GRM1: variants seen among roughly 807,000 people sequenced by gnomAD.
GRM1 encodes the protein metabotropic glutamate receptor 1.
In GRM1, 33 loss-of-function variants were observed where a neutral mutation model predicts 90.9. That is an observed-to-expected ratio of 0.36 (90% CI 0.28 to 0.49). The LOEUF (loss-of-function observed/expected upper bound fraction) is 0.49. GRM1 is among the 20% of genes least tolerant of loss of function. GRM1 has a pLI of 0.99. For missense variants in GRM1, 1,190 were observed against 1,534.3 expected (o/e 0.78, Z 3.75); for synonymous variants, 700 against 613.2 (o/e 1.14, Z -2.09).
intron 5 of GRM1, among the ~76,000 whole-genome samples, chr6:146,358,955 G>A (rs550068119): frequency 6.6e-6 from 1 of 152,142 alleles, no homozygotes; most frequent in African/African-American, 2.4e-5. Flanking sequence ...CATCAGCATA[G>A]ACTCCATTCT....
At chr6:146,132,723 T>C (rs1014514974) in intron 1 of GRM1, among the ~76,000 whole-genome samples, 1 of 152,202 alleles carries the variant, frequency 6.6e-6, no homozygotes, top group Non-Finnish European at 1.5e-5. Context: ...TAGTATAGAT[T>C]TTTTTCCCTG....
intron 2 of GRM1, among the ~76,000 whole-genome samples, chr6:146,227,013 C>A (rs1328533108): frequency 6.6e-6 from 1 of 152,022 alleles, no homozygotes; most frequent in Non-Finnish European, 1.5e-5. Flanking sequence ...ATCCTCCAGA[C>A]ATTTTAATAG....
chr6:146,422,498 G>A (rs1778031825), intron 7 of GRM1, among the ~76,000 whole-genome samples: 1 of 152,112 alleles, frequency 6.6e-6, no homozygotes, highest in Non-Finnish European at 1.5e-5. Context: ...TTATGGATTA[G>A]GCTGGAATAG....
intron 2 of GRM1, among the ~76,000 whole-genome samples, chr6:146,167,019 A>G (rs1777932612): frequency 6.6e-6 from 1 of 152,134 alleles, no homozygotes; most frequent in African/African-American, 2.4e-5. Flanking sequence ...CATGATGTAG[A>G]ATGCTTGCAC....
chr6:146,379,462 G>A (rs1047255427), intron 5 of GRM1, among the ~76,000 whole-genome samples: 1 of 150,306 alleles, frequency 6.7e-6, no homozygotes, highest in African/African-American at 2.5e-5. Context: ...TTATCTGATA[G>A]AATTCTGAAT....
chr6:146,214,571 A>G (rs1466072491), intron 2 of GRM1, among the ~76,000 whole-genome samples: 1 of 152,204 alleles, frequency 6.6e-6, no homozygotes, highest in African/African-American at 2.4e-5. Context: ...ATAAGTATCA[A>G]TACAATAGGT....
At chr6:146,200,315 G>A (rs576642935) in intron 2 of GRM1, among the ~76,000 whole-genome samples, 1 of 152,242 alleles carries the variant, frequency 6.6e-6, no homozygotes, top group East Asian at 1.9e-4. Flanking sequence ...TGCTTGTCAT[G>A]GTTTTCAGTT....
chr6:146,281,549 A>C (rs1782568367), intron 2 of GRM1, among the ~76,000 whole-genome samples: 1 of 152,216 alleles, frequency 6.6e-6, no homozygotes, highest in Non-Finnish European at 1.5e-5. Context: ...AATTTGAAAT[A>C]GTTTTAGCAA....
intron 1 of GRM1, among the ~76,000 whole-genome samples, chr6:146,032,745 C>T (rs1349398574): frequency 6.6e-6 from 1 of 152,150 alleles, no homozygotes; most frequent in Non-Finnish European, 1.5e-5. Context: ...TCCAAATCAG[C>T]CATTCCCTAG....
intron 5 of GRM1, among the ~76,000 whole-genome samples, chr6:146,370,179 TG>T (rs1466644023): frequency 6.6e-6 from 1 of 152,106 alleles, no homozygotes; most frequent in East Asian, 1.9e-4. Context: ...CTTGATGTTG[TG>T]CAAGTTTAAG....
intron 1 of GRM1, among the ~76,000 whole-genome samples, chr6:146,105,573 GA>G (rs1371785895): frequency 1.3e-5 from 2 of 150,746 alleles, no homozygotes; most frequent in African/African-American, 4.9e-5. Context: ...GGGACTGCTT[GA>G]AAAAAAAGAT....
intron 1 of GRM1, among the ~76,000 whole-genome samples, chr6:146,074,447 C>G (rs1423011005): frequency 1.3e-5 from 2 of 152,086 alleles, no homozygotes; most frequent in Non-Finnish European, 2.9e-5. Flanking sequence ...TTGAGATTCC[C>G]TCAAATTCAG....
At chr6:146,043,030 G>T (rs766927557) in intron 1 of GRM1, among the ~76,000 whole-genome samples, 2 of 152,034 alleles carry the variant, frequency 1.3e-5, no homozygotes, top group Non-Finnish European at 2.9e-5. Context: ...ACCCACAGTG[G>T]CTCATGCATA....
At chr6:146,115,221 TACACACACAC>T (rs67497002) in intron 1 of GRM1, among the ~76,000 whole-genome samples, 3 of 148,572 alleles carry the variant, frequency 2.0e-5, no homozygotes, top group Non-Finnish European at 3.0e-5. Context: ...ATTAAATGCA[TACACACACAC>T]ACACACACAC....
intron 1 of GRM1, among the ~76,000 whole-genome samples, chr6:146,081,929 A>T (rs1027887419): frequency 6.6e-6 from 1 of 152,108 alleles, no homozygotes; most frequent in African/African-American, 2.4e-5. Flanking sequence ...TTTTGTGGAG[A>T]AGTGACATTT....
intron 2 of GRM1, among the ~76,000 whole-genome samples, chr6:146,215,885 T>G (rs1779854526): frequency 6.6e-6 from 1 of 151,902 alleles, no homozygotes; most frequent in African/African-American, 2.4e-5. Flanking sequence ...GCCTCCTGAG[T>G]AGCTGGGACT....
rs1782198017 is a variant in GRM1, at chr6:146,272,425, C to A, written c.951-32186C>A. ...AACAGTTATCCTTGAAACTGGGGAC[C>A]TTTTAGACTACGAGAATGAGTTTCT... On this transcript the variant is annotated intron_variant, in intron 2 of 7. Coordinates refer to ENST00000282753, the MANE Select transcript of GRM1 (RefSeq NM_001278064.2). 2.0e-5 allele frequency among the ~76,000 whole-genome samples: 3 copies of A among 152,118 alleles called. No individual in the cohort carries two copies. The South Asian group carries it at 6.2e-4, about 31-fold the overall frequency.
intron 2 of GRM1, among the ~76,000 whole-genome samples, chr6:146,247,067 T>G (rs1781084458): frequency 2.0e-5 from 3 of 152,192 alleles, no homozygotes. Flanking sequence ...ACATTCCTGC[T>G]CCCATGCAAT....
chr6:146,265,738 C>T (rs1204974965), intron 2 of GRM1, among the ~76,000 whole-genome samples: 1 of 152,138 alleles, frequency 6.6e-6, no homozygotes, highest in Non-Finnish European at 1.5e-5. Flanking sequence ...AATTCATTCT[C>T]CTTATGGCTA....
Sources: gnomAD v4.1 joint callset for allele counts (sites outside exome capture counted in the v4.1 genomes callset) on GRCh38, gnomAD v4.1.1 for gene constraint, MANE v1.5 for transcripts, NCBI Gene and HGNC (gene_info 2026-07-23, HGNC 2026-07-21) for gene names.